The following PARG variants were observed in gnomAD, a reference collection of about 807,000 sequenced individuals.
The protein encoded by PARG is poly(ADP-ribose) glycohydrolase.
Under a neutral mutation model 113.0 loss-of-function variants are expected in PARG, and 35 were observed. That is an observed-to-expected ratio of 0.31 (90% confidence interval 0.24 to 0.41). The LOEUF is 0.41. PARG is among the 10% of genes least tolerant of loss of function. The pLI is 1.00. For synonymous variants in PARG, 330 were observed against 409.9 expected (o/e 0.81, Z 2.36); for missense variants, 797 against 1,169.4 (o/e 0.68, Z 4.64).
At chr10:49,928,929 C>G (rs1838351900) in intron 4 of PARG, among the ~76,000 whole-genome samples, 1 of 152,172 alleles carries the variant, frequency 6.6e-6, no homozygotes, top group African/African-American at 2.4e-5. Flanking sequence ...GAATAAGAAT[C>G]TAGAAGAAAA....
chr10:49,894,205 T>C (rs1482178850), intron 7 of PARG, among the ~76,000 whole-genome samples: 1 of 86,588 alleles, frequency 1.2e-5, no homozygotes, highest in Non-Finnish European at 3.0e-5. Flanking sequence ...AGCTAATTAA[T>C]TTTTTTTTTT....
In PARG at chr10:49,820,174, G is replaced by A. The variant is rs1456245844; in HGVS notation, c.2767C>T (p.Leu923Phe). 6.5e-7 allele frequency: 1 copy of A among 1,544,610 alleles called. No homozygotes were observed. Among genetic ancestry groups the A allele is most frequent in the African/African-American group, 1.4e-5 (1 of 72,980 alleles). Residue 923 changes from leucine to phenylalanine, a missense_variant, in exon 17 of 18, where the codon CTC becomes TTC. Transcript: ENST00000616448. Reference protein sequence around the residue: ...SMHIFLTERKLTVGDVYKLLL... With the variant: ...SMHIFLTERKFTVGDVYKLLL... ...AGTATCTCCTACTTACCAACAGTGAGTTTCCTTTCAGTAAGGAAAATGTGC... is the reference window on the plus strand; with the variant it reads ...AGTATCTCCTACTTACCAACAGTGAATTTCCTTTCAGTAAGGAAAATGTGC...
At chr10:49,891,438 T>G (rs1847777074) in intron 7 of PARG, among the ~76,000 whole-genome samples, 1 of 151,134 alleles carries the variant, frequency 6.6e-6, no homozygotes, top group African/African-American at 2.4e-5. Flanking sequence ...CTAATAAAAT[T>G]GTGAAAAGTT....
rs377370593 is a variant in PARG, at chr10:49,914,839, A to T, written c.1737+1078T>A. 9.8e-5 allele frequency among the ~76,000 whole-genome samples: 15 copies of T among 152,352 alleles called. 1 individual carries two copies. In the South Asian group the frequency reaches 3.1e-3, roughly 32 times the overall value. On this transcript the variant is annotated intron_variant, in intron 7 of 17. Transcript: ENST00000616448. ...GCCAAGACAATTCAACACGGGATAG[A>T]AGAGTCTTTTCAACAAATGGTGCTG... is the stretch of plus-strand genomic sequence containing the variant.
intron 13 of PARG, among the ~76,000 whole-genome samples, chr10:49,852,424 G>A (rs1360761229): frequency 4.6e-5 from 7 of 151,154 alleles, no homozygotes; most frequent in Admixed American, 4.0e-4. Context: ...TTTTTAGACT[G>A]GGGACAAATT....
At position 49,932,136 on chromosome 10, in the gene PARG, G is replaced by C. The variant is rs1838516337; in HGVS notation, c.1419C>G (p.Leu473=). ...RMPRCGIRLP[L]LRPSANHTVT... ...CTGTGTGATTGGCAGATGGTCTCAA[G>C]AGAGGCAGCCGGATCCCACACCGAG... Residue 473 remains leucine (L), a synonymous_variant, in exon 4 of 18, where the codon CTC becomes CTG. Transcript: ENST00000616448. 2 of 1,605,550 alleles carry C rather than the reference G, an allele frequency of 1.2e-6. No individual in the cohort carries two copies. Among genetic ancestry groups the C allele is most frequent in the Non-Finnish European group, 1.7e-6 (2 of 1,172,162 alleles).
chr10:49,898,175 A>G (rs1319535585), intron 7 of PARG, among the ~76,000 whole-genome samples: 1 of 152,258 alleles, frequency 6.6e-6, no homozygotes, highest in Non-Finnish European at 1.5e-5. Context: ...TTCCTCATCC[A>G]TAGTAAGGAT....
chr10:49,933,392 T>C lies in PARG; in HGVS notation c.1056A>G (p.Glu352=). 1 of 1,613,648 alleles carries C rather than the reference T, an allele frequency of 6.2e-7. No homozygotes were observed. The highest frequency in any genetic ancestry group is 8.5e-7 in the Non-Finnish European group (1 of 1,179,572). Residue 352 remains glutamate, a synonymous_variant, in exon 3 of 18, where the codon GAA becomes GAG. Transcript: ENST00000616448. ...CCTTAGTAGAGTACCGTTTCCTAAA[T>C]TCAATGTCAGCGTCTCTTGCTTGGA... The part of the protein sequence containing the change: ...SRFQARDADI[E]FRKRYSTKGG...
chr10:49,838,201 C>G (rs1331986452), intron 15 of PARG, among the ~76,000 whole-genome samples: 1 of 151,896 alleles, frequency 6.6e-6, no homozygotes, highest in Non-Finnish European at 1.5e-5. Flanking sequence ...GAGGCCGAAG[C>G]GTGTGGATCA....
chr10:49,848,356 C>T (rs1282698939), intron 13 of PARG, among the ~76,000 whole-genome samples: 3 of 146,514 alleles, frequency 2.0e-5, no homozygotes, highest in African/African-American at 7.7e-5. Context: ...TCAAAACAAA[C>T]AGAAAAACAC....
At chr10:49,903,870 G>C (rs1848454006) in intron 7 of PARG, among the ~76,000 whole-genome samples, 1 of 152,146 alleles carries the variant, frequency 6.6e-6, no homozygotes, top group Non-Finnish European at 1.5e-5. Flanking sequence ...GAGTTGAAAA[G>C]AGATGAAATG....
At chr10:49,834,692 C>A (rs533197101) in intron 15 of PARG, among the ~76,000 whole-genome samples, 1 of 151,952 alleles carries the variant, frequency 6.6e-6, no homozygotes, top group African/African-American at 2.4e-5. Context: ...AGTTTGAGAC[C>A]AGCCTGGGCA....
At position 49,858,785 on chromosome 10, in the gene PARG, C is replaced by A. The variant is rs1554835461; in HGVS notation, c.2206-1332G>T. Among the ~76,000 whole-genome samples the A allele has an allele frequency of 2.7e-5, 4 of 148,960 alleles. No homozygotes were observed. The Admixed American group carries it at 2.7e-4, about 10-fold the overall frequency. Reference sequence around the variant, plus strand: ...AAATAGGAAAATAATTTTGGTGAAACCAGTCTGTTGATTAGAATTAGCTAC... The same window carrying A: ...AAATAGGAAAATAATTTTGGTGAAAACAGTCTGTTGATTAGAATTAGCTAC... On this transcript the variant is annotated intron_variant, in intron 12 of 17. Coordinates refer to ENST00000616448, the MANE Select transcript of PARG (RefSeq NM_003631.5).
intron 15 of PARG, among the ~76,000 whole-genome samples, chr10:49,834,323 A>C (rs1165517092): frequency 2.0e-5 from 3 of 152,200 alleles, no homozygotes; most frequent in Non-Finnish European, 2.9e-5. Flanking sequence ...AGAGAGAAGA[A>C]GGCTTCCTCA....
At position 49,927,966 on chromosome 10, in the gene PARG, TA is replaced by T. The variant is rs76592852; in HGVS notation, c.1455+4133del. ...GTGACGGAGTGAGATCCTGTCTCTT[TA>T]AAAAAAAAAAAAAAAAGAAGAAGGC... On this transcript the variant is annotated intron_variant, in intron 4 of 17. Transcript: ENST00000616448. 6.0e-3 allele frequency among the ~76,000 whole-genome samples: 770 copies of T among 128,774 alleles called. 2 individuals carry two copies. Among genetic ancestry groups the T allele is most frequent in the South Asian group, 0.019 (75 of 4,038 alleles). The allele number at this position is 128,774 out of a possible 152,430, so 84.5% of individuals were successfully genotyped here. A position where few individuals can be genotyped will look rare whatever the true frequency, so the allele number is the denominator to read the frequency against.
At chr10:49,827,676 CAGA>C (rs1554829606) in intron 16 of PARG, among the ~76,000 whole-genome samples, 1 of 152,140 alleles carries the variant, frequency 6.6e-6, no homozygotes, top group African/African-American at 2.4e-5. Flanking sequence ...AAAAGCACAA[CAGA>C]AGAAGGAACA....
chr10:49,825,593 A>G (rs1362949413), intron 16 of PARG, among the ~76,000 whole-genome samples: 1 of 152,230 alleles, frequency 6.6e-6, no homozygotes, highest in East Asian at 1.9e-4. Context: ...TATGCACTCA[A>G]TATGTTCTCA....
intron 15 of PARG, among the ~76,000 whole-genome samples, chr10:49,841,000 C>T (rs1845205148): frequency 6.6e-6 from 1 of 152,150 alleles, no homozygotes; most frequent in African/African-American, 2.4e-5. Flanking sequence ...GCCTGTAATC[C>T]CAATACTTTG....
chr10:49,849,733 C>T (rs1484575343), intron 13 of PARG, among the ~76,000 whole-genome samples: 8 of 152,074 alleles, frequency 5.3e-5, no homozygotes, highest in African/African-American at 1.2e-4. Context: ...AAATTATAGG[C>T]GGGGTGTGTT....
Sources: allele counts gnomAD v4.1 joint callset (sites outside exome capture counted in the v4.1 genomes callset), GRCh38; gene constraint gnomAD v4.1.1; transcripts MANE v1.5; gene names NCBI Gene and HGNC (gene_info 2026-07-23, HGNC 2026-07-21).